The following FGF14 variants were observed in gnomAD, a reference collection of about 807,000 sequenced individuals.
The protein encoded by FGF14 is fibroblast growth factor homologous factor 4.
In FGF14, 5 loss-of-function variants were observed where a neutral mutation model predicts 25.5. The observed-to-expected ratio is 0.20, with a 90% CI of 0.10 to 0.41. FGF14 has a LOEUF of 0.41. FGF14 is among the 10% of genes least tolerant of loss of function. The probability of loss-of-function intolerance (pLI) is 1.00; values close to 1 mark genes in which losing one functional copy is unlikely to be tolerated. For synonymous variants in FGF14, 138 were observed against 118.3 expected (o/e 1.17, Z -1.08); for missense variants, 222 against 320.1 (o/e 0.69, Z 2.34).
chr13:101,779,948 C>A (rs774319267), intron 3 of FGF14, among the ~76,000 whole-genome samples: 2 of 152,052 alleles, frequency 1.3e-5, no homozygotes, highest in Non-Finnish European at 2.9e-5. Flanking sequence ...CAGCAAGTAT[C>A]ATGCCTTGAA....
At chr13:102,115,075 T>C (rs1033427164) in intron 1 of FGF14, among the ~76,000 whole-genome samples, 2 of 152,002 alleles carry the variant, frequency 1.3e-5, no homozygotes, top group Admixed American at 1.3e-4. Flanking sequence ...GAAATGAGAG[T>C]GGAGAACCCC....
intron 1 of FGF14, among the ~76,000 whole-genome samples, chr13:102,084,691 A>T (rs551044743): frequency 6.6e-6 from 1 of 152,194 alleles, no homozygotes; most frequent in African/African-American, 2.4e-5. Flanking sequence ...AAGAATAAAA[A>T]CCCCAGCAAC....
intron 1 of FGF14, among the ~76,000 whole-genome samples, chr13:102,037,946 ACAAG>A (rs2041554674): frequency 6.6e-6 from 1 of 152,166 alleles, no homozygotes; most frequent in Admixed American, 6.6e-5. Flanking sequence ...TCCAGTGTGA[ACAAG>A]CAAGAAAGGA....
intron 1 of FGF14, among the ~76,000 whole-genome samples, chr13:102,313,268 C>A (rs1286644253): frequency 6.6e-6 from 1 of 152,216 alleles, no homozygotes. Flanking sequence ...AGCACTCACA[C>A]ACAGGGAAAG....
At chr13:102,132,017 T>C (rs752057941) in intron 1 of FGF14, among the ~76,000 whole-genome samples, 15 of 152,150 alleles carry the variant, frequency 9.9e-5, no homozygotes, top group Non-Finnish European at 1.3e-4. Flanking sequence ...AAGTTTTTTT[T>C]GTTTTGTTTT....
intron 1 of FGF14, among the ~76,000 whole-genome samples, chr13:101,889,148 G>A (rs999065976): frequency 6.6e-6 from 1 of 152,144 alleles, no homozygotes; most frequent in African/African-American, 2.4e-5. Flanking sequence ...TTTCAGAACT[G>A]TGAGAAACAC....
chr13:102,371,303 G>A (rs1253732560), intron 1 of FGF14, among the ~76,000 whole-genome samples: 1 of 152,096 alleles, frequency 6.6e-6, no homozygotes, highest in African/African-American at 2.4e-5. Context: ...CCCTCCCCAT[G>A]CCATCTTCTC....
intron 3 of FGF14, chr13:101,868,309 A>AT (rs911766471): frequency 2.0e-5 from 4 of 204,572 alleles, no homozygotes; most frequent in South Asian, 8.0e-5. Context: ...ATAAGTAGTT[A>AT]TTTTTTCAGT....
At chr13:102,231,674 G>A (rs1037081608) in intron 1 of FGF14, among the ~76,000 whole-genome samples, 1 of 152,130 alleles carries the variant, frequency 6.6e-6, no homozygotes, top group Non-Finnish European at 1.5e-5. Context: ...CGTTACTCAT[G>A]AGAACCTGCT....
At chr13:102,397,873 G>A (rs1198801847) in intron 1 of FGF14, among the ~76,000 whole-genome samples, 1 of 152,160 alleles carries the variant, frequency 6.6e-6, no homozygotes, top group African/African-American at 2.4e-5. Flanking sequence ...CAAAATAAAT[G>A]CCTTGGACTT....
At chr13:101,933,678 C>T (rs1266907997) in intron 1 of FGF14, among the ~76,000 whole-genome samples, 4 of 152,132 alleles carry the variant, frequency 2.6e-5, no homozygotes, top group African/African-American at 7.2e-5. Context: ...CAGCCAAGAT[C>T]GCACCACTGC....
intron 3 of FGF14, among the ~76,000 whole-genome samples, chr13:101,862,794 G>C (rs961756595): frequency 1.3e-5 from 2 of 151,980 alleles, no homozygotes; most frequent in Admixed American, 1.3e-4. Context: ...AAGGATAATA[G>C]CCATTTCAAC....
intron 1 of FGF14, among the ~76,000 whole-genome samples, chr13:101,997,856 T>C (rs2039273107): frequency 6.6e-6 from 1 of 152,144 alleles, no homozygotes; most frequent in Non-Finnish European, 1.5e-5. Flanking sequence ...TTCTTTCTTA[T>C]CTTTAGTTTT....
intron 1 of FGF14, among the ~76,000 whole-genome samples, chr13:102,348,376 G>A (rs2057174775): frequency 6.6e-6 from 1 of 152,056 alleles, no homozygotes; most frequent in Non-Finnish European, 1.5e-5. Context: ...GTAGTTTGAA[G>A]CAAAGAAAAA....
chr13:101,749,167 G>C (rs1018302070), intron 3 of FGF14, among the ~76,000 whole-genome samples: 1 of 152,072 alleles, frequency 6.6e-6, no homozygotes, highest in Non-Finnish European at 1.5e-5. Context: ...AGGAGGAAAG[G>C]GAAGTTGTTT....
intron 1 of FGF14, among the ~76,000 whole-genome samples, chr13:102,289,523 T>C (rs965866293): frequency 1.2e-4 from 18 of 152,188 alleles, no homozygotes; most frequent in Non-Finnish European, 2.6e-4. Context: ...TATGATAAAA[T>C]TTTATTTCAG....
intron 1 of FGF14, among the ~76,000 whole-genome samples, chr13:101,883,006 G>C (rs726140): frequency 0.27 from 40,765 of 151,796 alleles, 5,748 homozygotes; most frequent in South Asian, 0.35. Flanking sequence ...GCGGCATTCA[G>C]AGATACGATA....
intron 1 of FGF14, among the ~76,000 whole-genome samples, chr13:101,902,775 GA>G (rs1184235200): frequency 6.6e-6 from 1 of 152,216 alleles, no homozygotes; most frequent in Non-Finnish European, 1.5e-5. Flanking sequence ...TCATGGTTTT[GA>G]GAATCTGAAA....
upstream of FGF14, chr13:102,402,090 A>G (rs1341367858): frequency 4.2e-5 from 8 of 188,288 alleles, no homozygotes; most frequent in African/African-American, 7.2e-5. Flanking sequence ...AAAAGAAAAA[A>G]AAAGAAAAAA....
Sources: gnomAD v4.1 joint callset for allele counts (sites outside exome capture counted in the v4.1 genomes callset) on GRCh38, gnomAD v4.1.1 for gene constraint, MANE v1.5 for transcripts, NCBI Gene and HGNC (gene_info 2026-07-23, HGNC 2026-07-21) for gene names.